The following CADPS2 variants were observed in gnomAD, a reference collection of about 807,000 sequenced individuals.
The protein encoded by CADPS2 is calcium-dependent secretion activator 2.
A neutral mutation model predicts 172.5 loss-of-function variants in CADPS2; 93 were observed. The observed-to-expected ratio is 0.54, with a 90% CI of 0.46 to 0.64. CADPS2 has a LOEUF of 0.64. CADPS2 is among the 30% of genes least tolerant of loss of function. CADPS2 has a pLI of 0.00. For synonymous variants in CADPS2, 546 were observed against 555.2 expected (o/e 0.98, Z 0.23); for missense variants, 1,420 against 1,565.9 (o/e 0.91, Z 1.57).
chr7:122,749,380 G>C (rs778246936), intron 1 of CADPS2, among the ~76,000 whole-genome samples: 34 of 152,064 alleles, frequency 2.2e-4, no homozygotes, highest in Non-Finnish European at 3.5e-4. Context: ...ACAGCCACTG[G>C]ATAGGCAACT....
At chr7:122,621,306 A>G (rs939880969) in intron 5 of CADPS2, among the ~76,000 whole-genome samples, 175 bp downstream of exon 5, 16 of 152,218 alleles carry the variant, frequency 1.1e-4, no homozygotes, top group African/African-American at 3.9e-4. Flanking sequence ...GTTTAAAGGA[A>G]AATTTGCATT....
At chr7:122,880,962 G>A (rs896754467) in intron 1 of CADPS2, among the ~76,000 whole-genome samples, 5 of 152,106 alleles carry the variant, frequency 3.3e-5, no homozygotes, top group African/African-American at 9.7e-5. Flanking sequence ...ACATAACTAT[G>A]CAATCCACCT....
chr7:122,503,243 C>G (rs2059361327), intron 9 of CADPS2, among the ~76,000 whole-genome samples: 1 of 152,000 alleles, frequency 6.6e-6, no homozygotes, highest in Non-Finnish European at 1.5e-5. Flanking sequence ...GCCATGCTGG[C>G]CAGGCTGGTC....
At position 122,328,132 on chromosome 7, in the gene CADPS2, GACAC is replaced by G. The variant is rs71159790; in HGVS notation, c.3613-2555_3613-2552del. ...GCTTTCTTGTATACAGTAAAATGCA[GACAC>G]ACACACACACACACACACACACACG... On this transcript the variant is annotated intron_variant, in intron 28 of 29. Transcript: ENST00000449022. Among the ~76,000 whole-genome samples the G allele has an allele frequency of 8.3e-3, 1,202 of 145,676 alleles. 14 individuals carry two copies. The highest frequency in any genetic ancestry group is 0.029 in the African/African-American group (1,123 of 39,390).
chr7:122,717,730 C>T (rs922155300), intron 2 of CADPS2, among the ~76,000 whole-genome samples: 4 of 152,114 alleles, frequency 2.6e-5, no homozygotes, highest in African/African-American at 9.7e-5. Flanking sequence ...TAAGCATTTT[C>T]CCTGTGTAGT....
At chr7:122,766,466 T>A (rs1562965443) in intron 1 of CADPS2, among the ~76,000 whole-genome samples, 2 of 152,132 alleles carry the variant, frequency 1.3e-5, no homozygotes, top group Non-Finnish European at 2.9e-5. Context: ...TTTACCAATT[T>A]GCCATTTAGT....
intron 2 of CADPS2, chr7:122,676,713 G>C (rs1323232160): frequency 6.3e-7 from 1 of 1,580,052 alleles, no homozygotes; most frequent in African/African-American, 1.4e-5. Context: ...TGCTGTACAG[G>C]AAGGACATGG....
At chr7:122,575,269 G>C (rs1262451419) in intron 7 of CADPS2, among the ~76,000 whole-genome samples, 1 of 151,874 alleles carries the variant, frequency 6.6e-6, no homozygotes, top group African/African-American at 2.4e-5. Flanking sequence ...TTCTATCCTA[G>C]ACTGGGGGAG....
chr7:122,403,168 T>C (rs887567014), intron 20 of CADPS2, among the ~76,000 whole-genome samples: 1 of 152,320 alleles, frequency 6.6e-6, no homozygotes, highest in East Asian at 1.9e-4. Context: ...CCAAGGGTGA[T>C]ATTAACAGCT....
chr7:122,327,229 C>T (rs1436664914), intron 28 of CADPS2, among the ~76,000 whole-genome samples: 6 of 152,044 alleles, frequency 3.9e-5, no homozygotes, highest in Admixed American at 6.6e-5. Flanking sequence ...AAATTCTATG[C>T]TACTTATTTC....
chr7:122,743,941 A>G (rs2092609653), intron 1 of CADPS2, among the ~76,000 whole-genome samples: 1 of 152,160 alleles, frequency 6.6e-6, no homozygotes, highest in African/African-American at 2.4e-5. Context: ...GGATGTGCTG[A>G]TATTATCAGT....
At chr7:122,702,704 G>A in intron 2 of CADPS2, 1 of 1,612,310 alleles carries the variant, frequency 6.2e-7, no homozygotes, top group South Asian at 1.1e-5. Context: ...CAAAAGTCCA[G>A]ATGAAACAGA....
At chr7:122,343,467 C>T (rs2037097852) in intron 28 of CADPS2, among the ~76,000 whole-genome samples, 2 of 152,136 alleles carry the variant, frequency 1.3e-5, no homozygotes, top group Admixed American at 6.5e-5. Flanking sequence ...GTTATCATTG[C>T]CACATAGAAA....
chr7:122,771,156 C>T (rs1001083907), intron 1 of CADPS2, among the ~76,000 whole-genome samples: 1 of 152,172 alleles, frequency 6.6e-6, no homozygotes, highest in Non-Finnish European at 1.5e-5. Flanking sequence ...GGAAACATAA[C>T]CTGCAGTAGG....
intron 6 of CADPS2, among the ~76,000 whole-genome samples, chr7:122,598,968 G>A (rs536122225): frequency 6.6e-6 from 1 of 152,194 alleles, no homozygotes; most frequent in South Asian, 2.1e-4. Context: ...CTCTGGGGAA[G>A]GAGGGAAGCA....
intron 17 of CADPS2, among the ~76,000 whole-genome samples, chr7:122,425,603 C>A (rs2049067226): frequency 6.6e-6 from 1 of 151,738 alleles, no homozygotes; most frequent in East Asian, 1.9e-4. Flanking sequence ...GAGACCCTGT[C>A]TCAAAAAAGA....
chr7:122,697,728 G>A, intron 2 of CADPS2: 4 of 1,240,568 alleles, frequency 3.2e-6, no homozygotes, highest in Non-Finnish European at 4.4e-6. Flanking sequence ...CAAACTGCTT[G>A]TCAGTATTAG....
chr7:122,726,112 T>A (rs180994619), intron 2 of CADPS2, among the ~76,000 whole-genome samples: 1 of 151,786 alleles, frequency 6.6e-6, no homozygotes, highest in Admixed American at 6.6e-5. Flanking sequence ...GGCAAAAGAA[T>A]GCTTTTCCCA....
chr7:122,538,363 GTTT>G (rs1183957886), intron 8 of CADPS2, among the ~76,000 whole-genome samples: 2 of 119,180 alleles, frequency 1.7e-5, no homozygotes, highest in African/African-American at 6.0e-5. Flanking sequence ...TAGGTTTTTT[GTTT>G]TTTTTTTTTA....
Sources: gnomAD v4.1 joint callset for allele counts (sites outside exome capture counted in the v4.1 genomes callset) on GRCh38, gnomAD v4.1.1 for gene constraint, MANE v1.5 for transcripts, NCBI Gene and HGNC (gene_info 2026-07-23, HGNC 2026-07-21) for gene names.